RHOJ: variants seen among roughly 807,000 people sequenced by gnomAD.
RHOJ encodes the protein ras homolog family member J.
RHOJ carries 11 observed loss-of-function variants against 23.4 expected under a neutral mutation model. The observed-to-expected ratio is 0.47, with a 90% CI of 0.30 to 0.78. The LOEUF is 0.78. RHOJ is among the 30% of genes least tolerant of loss of function. RHOJ has a pLI of 0.08. For missense variants in RHOJ, 254 were observed against 273.4 expected (o/e 0.93, Z 0.50); for synonymous variants, 102 against 102.7 (o/e 0.99, Z 0.04).
At chr14:63,257,816 G>A (rs1290306607) in intron 1 of RHOJ, among the ~76,000 whole-genome samples, 1 of 149,062 alleles carries the variant, frequency 6.7e-6, no homozygotes, top group Non-Finnish European at 1.5e-5. Context: ...TGAATACCTT[G>A]CTCCACGGGG....
Position 63,280,983 on chromosome 14 carries a change from C to A in RHOJ, c.250C>A (p.Gln84Lys). The A allele has an allele frequency of 6.2e-7, 1 of 1,612,926 alleles. No homozygotes were observed. ...GCTCTTCCCACAGGAGGACTACAAC[C>A]AGCTGAGGCCACTCTCCTACCCCAA... ...YDTAGQEDYN[Q>K]LRPLSYPNTD... Residue 84 changes from glutamine to lysine, a missense_variant, in exon 3 of 5, where the codon CAG (glutamine) becomes AAG (lysine). Transcript: ENST00000316754.
rs1882290506 is a variant in RHOJ at position 63,292,794 on chromosome 14, A to G, written c.*1770A>G. Reference sequence around the variant, plus strand: ...TGAGATCCTGTGTCTCTATAAAAAAATTAAAAATTAGTCAGTTGTAGTGAC... The same window carrying G: ...TGAGATCCTGTGTCTCTATAAAAAAGTTAAAAATTAGTCAGTTGTAGTGAC... On this transcript the variant is annotated 3_prime_UTR_variant, in exon 5 of 5. Transcript: ENST00000316754. 6.6e-6 allele frequency: 1 copy of G among 152,110 alleles called. No homozygotes were observed. The highest frequency in any genetic ancestry group is 6.5e-5 in the Admixed American group (1 of 15,274). 9.4% of individuals were successfully genotyped at this position (152,110 alleles called of 1,614,324 possible). A position where few individuals can be genotyped will look rare whatever the true frequency, so the allele number is the denominator to read the frequency against.
At chr14:63,282,984 T>C in intron 3 of RHOJ, 137 bp from the exon 4 acceptor site, 1 of 646,484 alleles carries the variant, frequency 1.5e-6, no homozygotes, top group South Asian at 2.0e-5. Context: ...AACATGGGCA[T>C]GTGAATCTGC....
chr14:63,258,099 G>A (rs1895208645), intron 1 of RHOJ, among the ~76,000 whole-genome samples: 1 of 149,386 alleles, frequency 6.7e-6, no homozygotes, highest in African/African-American at 2.5e-5. Context: ...TCAGTGGCGG[G>A]CGCCTGTCAT....
At position 63,281,154 on chromosome 14, in the gene RHOJ, G is replaced by T; in HGVS notation, c.402+19G>T. The T allele has an allele frequency of 6.3e-7, 1 of 1,586,812 alleles. No homozygotes were observed. The highest frequency in any genetic ancestry group is 8.6e-7 in the Non-Finnish European group (1 of 1,167,596). ...GACCCAGGTTAAAATGTGGGCGATG[G>T]CAGGGTGGAGCGGGCTGCAAAAATG... On this transcript the variant is annotated intron_variant, in intron 3 of 4. Coordinates refer to ENST00000316754, the MANE Select transcript of RHOJ (RefSeq NM_020663.5).
intron 1 of RHOJ, among the ~76,000 whole-genome samples, chr14:63,239,347 A>G (rs1011275150): frequency 5.1e-4 from 78 of 151,992 alleles, no homozygotes; most frequent in Non-Finnish European, 8.5e-4. Flanking sequence ...CCTGACCTCA[A>G]GTGATCCGCC....
intron 1 of RHOJ, among the ~76,000 whole-genome samples, chr14:63,242,056 A>G (rs1416109243): frequency 3.9e-5 from 6 of 152,204 alleles, no homozygotes; most frequent in Non-Finnish European, 7.3e-5. Context: ...CCATGTTTTA[A>G]TATCCTTGTG....
In RHOJ at chr14:63,254,272, T is replaced by G. The variant is rs142624922; in HGVS notation, c.179-14838T>G. ...GTTTCAATTCAACAACTGGGTCTCC[T>G]GGCATGCACACCAGAAAGTATCACC... is the stretch of plus-strand genomic sequence containing the variant. On this transcript the variant is annotated intron_variant, in intron 1 of 4. Transcript: ENST00000316754. 2.6e-5 allele frequency among the ~76,000 whole-genome samples: 4 copies of G among 152,128 alleles called. No individual in the cohort carries two copies. In the East Asian group the frequency reaches 7.7e-4, roughly 29 times the overall value.
intron 1 of RHOJ, among the ~76,000 whole-genome samples, chr14:63,212,255 C>T (rs1026279168): frequency 6.6e-5 from 10 of 152,184 alleles, no homozygotes; most frequent in Admixed American, 6.5e-4. Flanking sequence ...CCATGCCTCA[C>T]TGTAAAGGAG....
Position 63,293,241 on chromosome 14 carries a change from G to C in RHOJ, c.*2217G>C, listed in dbSNP as rs149337574. The C allele has an allele frequency of 2.9e-3, 438 of 152,316 alleles. No individual in the cohort carries two copies. Among genetic ancestry groups the C allele is most frequent in the African/African-American group, 0.01 (429 of 41,578 alleles). The allele number at this position is 152,316 out of a possible 1,614,324, so 9.4% of individuals were successfully genotyped here. A position where few individuals can be genotyped will look rare whatever the true frequency, so the allele number is the denominator to read the frequency against. ...GGCAGCTTTGTTGCATGATTGCATA[G>C]TTATATCTTGCTAACGGGCCACTCA... On this transcript the variant is annotated 3_prime_UTR_variant, in exon 5 of 5. Coordinates refer to ENST00000316754, the MANE Select transcript of RHOJ (RefSeq NM_020663.5).
chr14:63,253,533 T>A (rs1242893429), intron 1 of RHOJ, among the ~76,000 whole-genome samples: 1 of 152,142 alleles, frequency 6.6e-6, no homozygotes, highest in African/African-American at 2.4e-5. Context: ...ACCTGGCCCC[T>A]AGATAAAATT....
At chr14:63,246,163 TTCTC>T (rs921958958) in intron 1 of RHOJ, among the ~76,000 whole-genome samples, 11 of 152,094 alleles carry the variant, frequency 7.2e-5, no homozygotes, top group African/African-American at 2.7e-4. Flanking sequence ...ACTACTCACT[TTCTC>T]CCTCCTCTCT....
chr14:63,267,225 G>A lies in RHOJ; in HGVS notation c.179-1885G>A, dbSNP rs564883302. Among the ~76,000 whole-genome samples, 21 of 152,288 alleles carry A rather than the reference G, an allele frequency of 1.4e-4. 1 individual carries two copies. Among genetic ancestry groups the A allele is most frequent in the Admixed American group, 1.2e-3 (19 of 15,300 alleles). On this transcript the variant is annotated intron_variant, in intron 1 of 4. Transcript: ENST00000316754. The stretch of plus-strand genomic sequence containing the variant: ...CTTCAGGCCTGGTGAAATTCCCAGG[G>A]ATCAAAGCTGCCATAGGAGAAAAGG...
At chr14:63,290,166 CCAGGAGG>C (rs1882202395) in intron 4 of RHOJ, among the ~76,000 whole-genome samples, 1 of 152,098 alleles carries the variant, frequency 6.6e-6, no homozygotes, top group African/African-American at 2.4e-5. Context: ...TCACTTGAGC[CCAGGAGG>C]CAGAGGTTGC....
chr14:63,271,504 T>C (rs955391308), intron 2 of RHOJ, among the ~76,000 whole-genome samples: 5 of 152,268 alleles, frequency 3.3e-5, no homozygotes, highest in African/African-American at 1.2e-4. Context: ...GTAGGGCTTG[T>C]CAAAACTCAG....
chr14:63,232,792 G>A (rs1359501545), intron 1 of RHOJ, among the ~76,000 whole-genome samples: 1 of 149,824 alleles, frequency 6.7e-6, no homozygotes, highest in Non-Finnish European at 1.5e-5. Flanking sequence ...CATCTCCCAG[G>A]CTCAAGCCAT....
intron 1 of RHOJ, among the ~76,000 whole-genome samples, chr14:63,226,002 AAAC>A (rs1464102316): frequency 6.6e-6 from 1 of 152,158 alleles, no homozygotes; most frequent in African/African-American, 2.4e-5. Context: ...TCATGTAAAA[AAAC>A]TGCCCAACCT....
chr14:63,229,359 A>G (rs1439499645), intron 1 of RHOJ, among the ~76,000 whole-genome samples: 1 of 152,256 alleles, frequency 6.6e-6, no homozygotes, highest in Non-Finnish European at 1.5e-5. Flanking sequence ...ATTAGCTCAC[A>G]GTTCTGTAGG....
intron 1 of RHOJ, among the ~76,000 whole-genome samples, chr14:63,238,978 C>G (rs971909507): frequency 1.3e-5 from 2 of 152,164 alleles, no homozygotes; most frequent in African/African-American, 2.4e-5. Flanking sequence ...TAACCTTAAA[C>G]CACTCTGCTA....
Sources: gnomAD v4.1 joint callset for allele counts (sites outside exome capture counted in the v4.1 genomes callset) on GRCh38, gnomAD v4.1.1 for gene constraint, MANE v1.5 for transcripts, NCBI Gene and HGNC (gene_info 2026-07-23, HGNC 2026-07-21) for gene names.